COL5A1: variants seen among roughly 807,000 people sequenced by gnomAD.
COL5A1 encodes collagen type V alpha 1 chain, also known as collagen alpha-1(V) chain.
COL5A1 carries 16 observed loss-of-function variants against 263.7 expected under a neutral mutation model. The observed-to-expected ratio is 0.06, with a 90% CI of 0.04 to 0.09. The LOEUF is 0.09. Ranked by LOEUF, COL5A1 falls within the 10% of genes least tolerant of loss-of-function variation. The pLI is 1.00. For missense variants in COL5A1, 2,036 were observed against 2,540.5 expected (o/e 0.80, Z 4.27); for synonymous variants, 1,012 against 1,004.5 (o/e 1.01, Z -0.14).
rs1183373137 is a variant in COL5A1 at position 134,835,000 on chromosome 9, T to C, written c.5166T>C (p.Pro1722=). 1 of 1,613,606 alleles carries C rather than the reference T, an allele frequency of 6.2e-7. No individual in the cohort carries two copies. Among genetic ancestry groups the C allele is most frequent in the East Asian group, 2.2e-5 (1 of 44,874 alleles). ...CCTATGTGGACGCCGAGGGCAACCCTGTGGGTGTGGTACAGATGACCTTCC... is the reference window on the plus strand; with the variant it reads ...CCTATGTGGACGCCGAGGGCAACCCCGTGGGTGTGGTACAGATGACCTTCC... The part of the protein sequence containing the change: ...LLSYVDAEGN[P]VGVVQMTFLR... The change falls in exon 65 of 66, where the codon CCT becomes CCC. Residue 1722 remains proline (P), a synonymous_variant. Transcript: ENST00000371817.
In COL5A1 at chr9:134,789,395, T is replaced by TGGGCAGGTATGTGATAGGAAGGGGCAG. The variant is rs1564459954; in HGVS notation, c.2700+188_2700+214dup. 6.6e-6 allele frequency among the ~76,000 whole-genome samples: 1 copy of TGGGCAGGTATGTGATAGGAAGGGGCAG among 152,094 alleles called. No homozygotes were observed. The highest frequency in any genetic ancestry group is 1.5e-5 in the Non-Finnish European group (1 of 68,020). On this transcript the variant is annotated intron_variant, in intron 32 of 65. Transcript: ENST00000371817. This position sits in a 1 kb window ranked among gnomAD's most constrained non-coding sequence, Gnocchi z 4.8. ...TGGTGACACTCTCCAGACGCTGGGC[T>TGGGCAGGTATGTGATAGGAAGGGGCAG]GGGCAGGTATGTGATAGGAAGGGGC...
At position 134,754,257 on chromosome 9, in the gene COL5A1, C is replaced by T. The variant is rs755041858; in HGVS notation, c.1774-16C>T. On this transcript the variant is annotated splice_polypyrimidine_tract_variant and intron_variant, in intron 15 of 65. Coordinates refer to ENST00000371817, the MANE Select transcript of COL5A1 (RefSeq NM_000093.5). This position sits in a 1 kb window ranked among gnomAD's most constrained non-coding sequence, Gnocchi z 4.3. ...GGCGGACTCGCCACTGACCCTTTGT[C>T]TCTTACCCCTGGCAGGGTCCTCGAG... 3.0e-5 allele frequency: 49 copies of T among 1,613,426 alleles called. 1 individual carries two copies. The highest frequency in any genetic ancestry group is 5.3e-5 in the African/African-American group (4 of 74,952).
chr9:134,808,986 C>A, intron 42 of COL5A1, 197 bp from the exon 43 acceptor site: 1 of 629,810 alleles, frequency 1.6e-6, no homozygotes, highest in Non-Finnish European at 2.9e-6. Flanking sequence ...AAGCGATGCA[C>A]CAGAAGTTCA....
At position 134,758,706 on chromosome 9, in the gene COL5A1, G is replaced by A. The variant is rs560942914; in HGVS notation, c.1935+410G>A. Reference sequence around the variant, plus strand: ...ATTAAAGTGGTGGTCCCAAGGGGGTGGGGACAATCTCAAGTGGCCATGTGG... The same window carrying A: ...ATTAAAGTGGTGGTCCCAAGGGGGTAGGGACAATCTCAAGTGGCCATGTGG... On this transcript the variant is annotated intron_variant, in intron 18 of 65. Transcript: ENST00000371817. This position sits in a 1 kb window ranked among gnomAD's most constrained non-coding sequence, Gnocchi z 4.1. Among the ~76,000 whole-genome samples, 1 of 152,280 alleles carries A rather than the reference G, an allele frequency of 6.6e-6. No homozygotes were observed. The highest frequency in any genetic ancestry group is 1.9e-4 in the East Asian group (1 of 5,184).
rs1175259184 is a variant in COL5A1 at position 134,818,766 on chromosome 9, G to A, written c.4338+3G>A. ...TTCGAGGGATCCCTGGCCCTGTGGT[G>A]AGTAGGCTGTGAGGGGCAGAGGGGT... On this transcript the variant is annotated splice_donor_region_variant and intron_variant, in intron 55 of 65. Transcript: ENST00000371817. This position sits in a 1 kb window ranked among gnomAD's most constrained non-coding sequence, Gnocchi z 6.0. The A allele has an allele frequency of 1.2e-6, 2 of 1,612,564 alleles. No homozygotes were observed. Among genetic ancestry groups the A allele is most frequent in the Middle Eastern group, 1.6e-4 (1 of 6,080 alleles).
chr9:134,832,979 A>C (rs1357610620), intron 64 of COL5A1: 1 of 152,250 alleles, frequency 6.6e-6, no homozygotes, highest in Non-Finnish European at 1.5e-5. Context: ...TCCTCTGTTC[A>C]ATGGGGCTCT....
At chr9:134,723,246 G>A (rs1223377074) in intron 4 of COL5A1, among the ~76,000 whole-genome samples, 1 of 152,198 alleles carries the variant, frequency 6.6e-6, no homozygotes, top group Non-Finnish European at 1.5e-5. Context: ...CTGTCCTGAG[G>A]CACCCTGCGG....
chr9:134,831,539 C>A (rs1445214484), intron 64 of COL5A1, among the ~76,000 whole-genome samples: 2 of 152,248 alleles, frequency 1.3e-5, no homozygotes, highest in African/African-American at 4.8e-5. Flanking sequence ...AGGGACAGAG[C>A]GTAGGGGATG....
chr9:134,801,774 G>A (rs1838123012), intron 37 of COL5A1, among the ~76,000 whole-genome samples, 180 bp from the exon 38 acceptor site: 2 of 147,468 alleles, frequency 1.4e-5, no homozygotes. Context: ...GCGACAGAGC[G>A]AGACTCTCCA....
intron 27 of COL5A1, 56 bp downstream of exon 27, chr9:134,774,968 G>A: frequency 6.5e-7 from 1 of 1,537,968 alleles, no homozygotes; most frequent in Non-Finnish European, 8.9e-7. Flanking sequence ...TGGGACTGTG[G>A]GCCTTGGCGT....
chr9:134,760,099 C>A (rs1366718135), intron 18 of COL5A1, among the ~76,000 whole-genome samples: 1 of 134,846 alleles, frequency 7.4e-6, no homozygotes, highest in African/African-American at 2.8e-5. Flanking sequence ...CGCCCACACA[C>A]CCCCACACTC....
Position 134,829,991 on chromosome 9 carries a change from T to C in COL5A1, c.5083T>C (p.Trp1695Arg), listed in dbSNP as rs765591837. 2 of 1,613,634 alleles carry C rather than the reference T, an allele frequency of 1.2e-6. No homozygotes were observed. The highest frequency in any genetic ancestry group is 1.3e-5 in the African/African-American group (1 of 74,900). ...KKSEGARITS[W>R]PKENPGSWFS... ...GCATGTTTAGGCCAGAATCACTTCT[T>C]GGCCCAAAGAAAACCCGGGCTCCTG... The change falls in exon 64 of 66, where the codon TGG (tryptophan) becomes CGG (arginine). Residue 1695 changes from tryptophan to arginine, a missense_variant. Around this residue, in one of 3 missense-constraint regions of COL5A1, gnomAD observed 358 missense variants for 384.6 expected, o/e 0.93. Transcript: ENST00000371817.
chr9:134,656,586 G>A (rs1831981389), intron 1 of COL5A1, among the ~76,000 whole-genome samples: 1 of 152,108 alleles, frequency 6.6e-6, no homozygotes, highest in Non-Finnish European at 1.5e-5. Flanking sequence ...AGGTGTGCCC[G>A]GTGTGCAGGA....
rs941345592 is a variant in COL5A1, at chr9:134,821,364, T to G, written c.4555-733T>G. Among the ~76,000 whole-genome samples the G allele has an allele frequency of 3.9e-5, 6 of 152,134 alleles. No homozygotes were observed. The highest frequency in any genetic ancestry group is 8.8e-5 in the Non-Finnish European group (6 of 68,028). On this transcript the variant is annotated intron_variant, in intron 58 of 65. Coordinates refer to ENST00000371817, the MANE Select transcript of COL5A1 (RefSeq NM_000093.5). The surrounding 1 kb of genome is among the most constrained non-coding windows in gnomAD (Gnocchi z 4.2). Reference sequence around the variant, plus strand: ...CCTTACAATGAGCCACAGCCCAAGTTCCTGCAGGGACAAGGTGAAGGGAGG... The same window carrying G: ...CCTTACAATGAGCCACAGCCCAAGTGCCTGCAGGGACAAGGTGAAGGGAGG...
Position 134,740,199 on chromosome 9 carries a change from C to T in COL5A1, c.1494+1391C>T, listed in dbSNP as rs555075291. The stretch of plus-strand genomic sequence containing the variant: ...TTCCAAAACTCCAGACAGGCAACAG[C>T]GAGTGGCCGCTGCTCTTGCCCAGCC... On this transcript the variant is annotated intron_variant, in intron 11 of 65. Transcript: ENST00000371817. Among the ~76,000 whole-genome samples the T allele has an allele frequency of 2.1e-4, 32 of 152,326 alleles. No individual in the cohort carries two copies. In the East Asian group the frequency reaches 2.3e-3, roughly 11 times the overall value.
At chr9:134,838,649 G>A (rs556306084) in intron 65 of COL5A1, among the ~76,000 whole-genome samples, 21 of 152,342 alleles carry the variant, frequency 1.4e-4, no homozygotes, top group African/African-American at 4.1e-4. Context: ...GTGTCTCTGC[G>A]TGCAGAGGAG....
intron 9 of COL5A1, among the ~76,000 whole-genome samples, chr9:134,738,240 T>G (rs1368887750): frequency 6.6e-6 from 1 of 152,176 alleles, no homozygotes; most frequent in Non-Finnish European, 1.5e-5. Flanking sequence ...CGGGAGCCTG[T>G]GTCTGTCACT....
rs1485181463 is a variant in COL5A1 at position 134,765,151 on chromosome 9, C to T, written c.2035-530C>T. Among the ~76,000 whole-genome samples, 1 of 152,176 alleles carries T rather than the reference C, an allele frequency of 6.6e-6. No homozygotes were observed. The highest frequency in any genetic ancestry group is 1.5e-5 in the Non-Finnish European group (1 of 68,020). ...AGCGTCCTGGAAAAGATCTGTACCC[C>T]ACGCCTCCTTCTGCACATTCAGTCT... is the stretch of plus-strand genomic sequence containing the variant. On this transcript the variant is annotated intron_variant, in intron 20 of 65. Coordinates refer to ENST00000371817, the MANE Select transcript of COL5A1 (RefSeq NM_000093.5). This position sits in a 1 kb window ranked among gnomAD's most constrained non-coding sequence, Gnocchi z 5.1.
chr9:134,819,241 C>T (rs527994408), intron 57 of COL5A1, among the ~76,000 whole-genome samples, 188 bp downstream of exon 57: 1 of 152,298 alleles, frequency 6.6e-6, no homozygotes, highest in South Asian at 2.1e-4. Context: ...TTGGCCCCTG[C>T]CTCTGGGGGG....
Sources: gnomAD v4.1 joint callset for allele counts (sites outside exome capture counted in the v4.1 genomes callset) on GRCh38, gnomAD v4.1.1 for gene constraint, gnomAD v4.1.1 regional missense constraint, Gnocchi (gnomAD v3.1) non-coding constraint, MANE v1.5 for transcripts, NCBI Gene and HGNC (gene_info 2026-07-23, HGNC 2026-07-21) for gene names.